CAPRIN2: variants seen among roughly 807,000 people sequenced by gnomAD.
CAPRIN2 encodes the protein caprin family member 2.
CAPRIN2 carries 66 observed loss-of-function variants against 130.4 expected under a neutral mutation model. The ratio of observed to expected loss-of-function variants is 0.51; its 90% CI spans 0.42 to 0.62. The LOEUF (loss-of-function observed/expected upper bound fraction) is 0.62. Among genes scored for constraint, CAPRIN2 ranks in the 20% least tolerant of loss-of-function variants. The pLI is 0.00. For missense variants in CAPRIN2, 1,185 were observed against 1,246.6 expected, an observed-to-expected ratio of 0.95 and a Z score of 0.74; for synonymous variants, 471 against 444.1, an observed-to-expected ratio of 1.06 and a Z score of -0.76.
chr12:30,736,857 T>C (rs915422057), intron 3 of CAPRIN2, among the ~76,000 whole-genome samples: 3 of 152,182 alleles, frequency 2.0e-5, no homozygotes, highest in Non-Finnish European at 4.4e-5. Context: ...TCTCATGGTA[T>C]AGGGAAAAGC....
chr12:30,714,368 G>C (rs2056645614), intron 14 of CAPRIN2, among the ~76,000 whole-genome samples: 1 of 152,160 alleles, frequency 6.6e-6, no homozygotes, highest in Non-Finnish European at 1.5e-5. Context: ...ATTCTTTGTA[G>C]AGGTAGGGTC....
rs1207870603 is a variant in CAPRIN2 at position 30,710,219 on chromosome 12, G to T, written c.2917C>A (p.Leu973Met). 6.2e-7 allele frequency: 1 copy of T among 1,614,042 alleles called. No individual in the cohort carries two copies. Among genetic ancestry groups the T allele is most frequent in the Non-Finnish European group, 8.5e-7 (1 of 1,180,044 alleles). The change falls in exon 17 of 17, where the codon CTG becomes ATG. Residue 973 changes from leucine (L) to methionine (M), a missense_variant. Leu to Met is a conservative substitution (Grantham distance 15, BLOSUM62 2). This residue lies in a region of CAPRIN2 where 81 missense variants were observed against 142.2 expected (regional missense o/e 0.57). Transcript: ENST00000298892. This position sits in a 1 kb window ranked among gnomAD's most constrained non-coding sequence, Gnocchi z 4.8. ...TCAAAAGTTTCTCCTAAGTTGTTCA[G>T]AAGAAGATCAAACACAATAGGTTGG...
intron 15 of CAPRIN2, among the ~76,000 whole-genome samples, chr12:30,712,069 ATTTT>A (rs900917816): frequency 6.6e-6 from 1 of 151,562 alleles, no homozygotes; most frequent in South Asian, 2.1e-4. Context: ...GGGTTTGGGA[ATTTT>A]TTTTTAAGAA....
chr12:30,744,369 T>A (rs536798875), intron 2 of CAPRIN2, among the ~76,000 whole-genome samples: 1 of 152,316 alleles, frequency 6.6e-6, no homozygotes, highest in South Asian at 2.1e-4. Context: ...CCATTTCTGA[T>A]GCCTTTGGGA....
chr12:30,715,893 G>A (rs1219103469), intron 13 of CAPRIN2: 1 of 156,638 alleles, frequency 6.4e-6, no homozygotes, highest in Non-Finnish European at 1.4e-5. Flanking sequence ...CACTTGATTA[G>A]CCAAGTACTC....
chr12:30,709,649 A>G, exon 17 of CAPRIN2: 1 of 397,170 alleles, frequency 2.5e-6, no homozygotes. Flanking sequence ...ACAGTTAAGG[A>G]TTAAGTGCAA....
At chr12:30,753,960 A>G (rs1421621514) in exon 1 of CAPRIN2, 1 of 574,596 alleles carries the variant, frequency 1.7e-6, no homozygotes, top group East Asian at 2.8e-5. Context: ...GATGACACCA[A>G]AAGAATAAGC....
chr12:30,714,165 T>TGTCTA (rs1175433966), intron 14 of CAPRIN2, among the ~76,000 whole-genome samples: 7 of 152,132 alleles, frequency 4.6e-5, no homozygotes, highest in South Asian at 2.1e-4. Flanking sequence ...TTAGGGCCTC[T>TGTCTA]GTCTAGGGTT....
chr12:30,747,682 A>T (rs545378945), intron 2 of CAPRIN2, among the ~76,000 whole-genome samples: 10 of 152,278 alleles, frequency 6.6e-5, no homozygotes, highest in African/African-American at 2.4e-4. Context: ...CGTCTCAAAA[A>T]AAAAAAAAGA....
At position 30,710,023 on chromosome 12, in the gene CAPRIN2, T is replaced by C. The variant is rs1591864818; in HGVS notation, c.3113A>G (p.Asn1038Ser). 6.2e-7 allele frequency: 1 copy of C among 1,614,144 alleles called. No homozygotes were observed. The highest frequency in any genetic ancestry group is 8.5e-7 in the Non-Finnish European group (1 of 1,180,020). ...CTGGAAGAGCTGAAGAATTGCATGA[T>C]TGCTAGCAGTTTCATGGTCTGGAGC... is the stretch of plus-strand genomic sequence containing the variant. Residue 1038 changes from asparagine (N) to serine (S), a missense_variant, in exon 17 of 17, where the codon AAT becomes AGT. Physicochemically the swap from Asn to Ser is conservative, Grantham distance 46 (BLOSUM62 1). Transcript: ENST00000298892. The surrounding 1 kb of genome is among the most constrained non-coding windows in gnomAD (Gnocchi z 4.8).
rs1296246725 is a variant in CAPRIN2, at chr12:30,715,149, A to T, written c.2318-8T>A. 4 of 1,612,976 alleles carry T rather than the reference A, an allele frequency of 2.5e-6. No homozygotes were observed. The Admixed American group carries it at 6.7e-5, about 27-fold the overall frequency. On this transcript the variant is annotated splice_polypyrimidine_tract_variant and splice_region_variant and intron_variant, in intron 13 of 16. Transcript: ENST00000298892. ...CATCAGGATGATAATTTGCTGCTTA[A>T]GAAAAACGATTTTAGGGTCCAAGAG...
At chr12:30,709,758 A>G in exon 17 of CAPRIN2, 1 of 868,798 alleles carries the variant, frequency 1.2e-6, no homozygotes, top group Non-Finnish European at 1.7e-6. Flanking sequence ...TCACCTCAGG[A>G]AGGAAAACAA....
chr12:30,713,198 G>A (rs948983387), intron 15 of CAPRIN2, among the ~76,000 whole-genome samples: 3 of 152,148 alleles, frequency 2.0e-5, no homozygotes, highest in Non-Finnish European at 2.9e-5. Context: ...TGAATATGCT[G>A]ATGTATTATA....
chr12:30,715,678 T>C (rs1267404114), intron 13 of CAPRIN2: 3 of 233,680 alleles, frequency 1.3e-5, no homozygotes, highest in Admixed American at 1.1e-4. Flanking sequence ...TTATGTTATG[T>C]ATACTTTACG....
chr12:30,723,751 AGTTT>A (rs2060095454), intron 10 of CAPRIN2, among the ~76,000 whole-genome samples: 2 of 152,164 alleles, frequency 1.3e-5, no homozygotes, highest in Non-Finnish European at 2.9e-5. Context: ...TCAATTATAT[AGTTT>A]GTTTTGTTTC....
At position 30,734,963 on chromosome 12, in the gene CAPRIN2, C is replaced by T; in HGVS notation, c.809+5G>A. The T allele has an allele frequency of 6.3e-7, 1 of 1,597,094 alleles. No individual in the cohort carries two copies. The highest frequency in any genetic ancestry group is 1.1e-5 in the South Asian group (1 of 90,624). On this transcript the variant is annotated splice_donor_5th_base_variant and intron_variant, in intron 4 of 16. Transcript: ENST00000298892. ...CATTTCAGGAAAATCTTTTCATTAGCTTACCTCAGACTTTCATTTCTTTCA... is the reference window on the plus strand; with the variant it reads ...CATTTCAGGAAAATCTTTTCATTAGTTTACCTCAGACTTTCATTTCTTTCA...
At position 30,741,115 on chromosome 12, in the gene CAPRIN2, T is replaced by C; in HGVS notation, c.484-9A>G. On this transcript the variant is annotated splice_polypyrimidine_tract_variant and intron_variant, in intron 2 of 16. Coordinates refer to ENST00000298892, the Ensembl canonical transcript of CAPRIN2. Reference sequence around the variant, plus strand: ...TATTTCTCTACAGCTTCCTACCAAATAGGATAAGAAAACATAAATTTTGTG... The same window carrying C: ...TATTTCTCTACAGCTTCCTACCAAACAGGATAAGAAAACATAAATTTTGTG... 1.9e-6 allele frequency: 3 copies of C among 1,548,632 alleles called. No homozygotes were observed. The highest frequency in any genetic ancestry group is 2.3e-5 in the South Asian group (2 of 87,328).
intron 2 of CAPRIN2, among the ~76,000 whole-genome samples, chr12:30,748,361 C>A (rs1244897937): frequency 6.6e-6 from 1 of 152,240 alleles, no homozygotes; most frequent in African/African-American, 2.4e-5. Flanking sequence ...GTAATCAACA[C>A]TGAGGCAACA....
At chr12:30,742,020 TAAGTAA>T (rs2067705396) in intron 2 of CAPRIN2, among the ~76,000 whole-genome samples, 2 of 152,230 alleles carry the variant, frequency 1.3e-5, no homozygotes, top group East Asian at 3.9e-4. Flanking sequence ...AAAAATATGC[TAAGTAA>T]AAGAAGCCAG....
Sources: gnomAD v4.1 joint callset for allele counts (sites outside exome capture counted in the v4.1 genomes callset) on GRCh38, gnomAD v4.1.1 for gene constraint, gnomAD v4.1.1 regional missense constraint, Gnocchi (gnomAD v3.1) non-coding constraint, MANE v1.5 for transcripts, NCBI Gene and HGNC (gene_info 2026-07-23, HGNC 2026-07-21) for gene names.